CACNB2: variants seen among roughly 807,000 people sequenced by gnomAD.
CACNB2 encodes calcium voltage-gated channel auxiliary subunit beta 2.
CACNB2 carries 42 observed loss-of-function variants against 73.3 expected under a neutral mutation model. The ratio of observed to expected loss-of-function variants is 0.57; its 90% confidence interval spans 0.45 to 0.74. The LOEUF (loss-of-function observed/expected upper bound fraction) is 0.74. Ranked by LOEUF, CACNB2 falls within the 30% of genes least tolerant of loss-of-function variation. CACNB2 has a pLI of 0.00. For synonymous variants in CACNB2, 348 were observed against 310.3 expected, an observed-to-expected ratio of 1.12 and a Z score of -1.28; for missense variants, 940 against 853.0, an observed-to-expected ratio of 1.10 and a Z score of -1.27.
intron 2 of CACNB2, among the ~76,000 whole-genome samples, chr10:18,353,881 G>A (rs2041812057): frequency 6.6e-6 from 1 of 152,196 alleles, no homozygotes; most frequent in East Asian, 1.9e-4. Context: ...GAAATAGTAT[G>A]AGCAAAGTTT....
Position 18,301,927 on chromosome 10 carries a change from A to G in CACNB2, c.214-99997A>G, listed in dbSNP as rs542976462. Among the ~76,000 whole-genome samples, 70 of 152,154 alleles carry G rather than the reference A, an allele frequency of 4.6e-4. No individual in the cohort carries two copies. The South Asian group carries it at 6.6e-3, about 14-fold the overall frequency. ...CCCCCAGGGTGCTGGGATTACAGGCATGAGCCACCGCGCCCAGCCGCCTGT... is the reference window on the plus strand; with the variant it reads ...CCCCCAGGGTGCTGGGATTACAGGCGTGAGCCACCGCGCCCAGCCGCCTGT... On this transcript the variant is annotated intron_variant, in intron 2 of 13. Transcript: ENST00000324631.
At chr10:18,262,150 A>C (rs1283236177) in intron 2 of CACNB2, among the ~76,000 whole-genome samples, 3 of 152,230 alleles carry the variant, frequency 2.0e-5, no homozygotes, top group African/African-American at 7.2e-5. Context: ...TGCAAAACAA[A>C]TAGAAAATTG....
At chr10:18,515,190 G>A (rs1223647829) in intron 7 of CACNB2, 5 of 708,082 alleles carry the variant, frequency 7.1e-6, no homozygotes, top group East Asian at 2.7e-5. Flanking sequence ...GCTACACAGC[G>A]AGGCTCCTTG....
intron 2 of CACNB2, among the ~76,000 whole-genome samples, chr10:18,372,951 A>C (rs1357821955): frequency 2.6e-5 from 4 of 152,124 alleles, no homozygotes; most frequent in Non-Finnish European, 5.9e-5. Context: ...CTGAGACTAC[A>C]AGTGTGAGTC....
At chr10:18,461,635 C>A (rs780433217) in intron 3 of CACNB2, among the ~76,000 whole-genome samples, 8 of 152,000 alleles carry the variant, frequency 5.3e-5, no homozygotes, top group Admixed American at 3.3e-4. Context: ...AGAGTCTCAA[C>A]CTAGATCCCT....
At chr10:18,346,933 C>T (rs1427536052) in intron 2 of CACNB2, among the ~76,000 whole-genome samples, 2 of 152,072 alleles carry the variant, frequency 1.3e-5, no homozygotes, top group Non-Finnish European at 2.9e-5. Flanking sequence ...AAGAGAAAAA[C>T]CTGACCCGTG....
intron 2 of CACNB2, among the ~76,000 whole-genome samples, chr10:18,301,060 G>C (rs1025757818): frequency 6.6e-6 from 1 of 152,158 alleles, no homozygotes; most frequent in African/African-American, 2.4e-5. Context: ...AGACTCTCAA[G>C]GTAGAGAGAA....
chr10:18,182,998 CTTTT>C (rs113393018), intron 2 of CACNB2, among the ~76,000 whole-genome samples: 1 of 146,808 alleles, frequency 6.8e-6, no homozygotes, highest in Non-Finnish European at 1.5e-5. Context: ...ATTGTAACAT[CTTTT>C]TTTTTTTAAT....
chr10:18,311,822 G>C (rs2039976370), intron 2 of CACNB2, among the ~76,000 whole-genome samples: 1 of 152,256 alleles, frequency 6.6e-6, no homozygotes, highest in South Asian at 2.1e-4. Context: ...ATGGCACTTA[G>C]ACTTCCCTAT....
chr10:18,356,073 C>T (rs1212044368), intron 2 of CACNB2, among the ~76,000 whole-genome samples: 1 of 152,204 alleles, frequency 6.6e-6, no homozygotes, highest in African/African-American at 2.4e-5. Flanking sequence ...CTGCAGGCCC[C>T]TGGAGGTCCC....
At chr10:18,527,491 A>G (rs2052594055) in intron 9 of CACNB2, 97 bp from the exon 10 acceptor site, 1 of 789,622 alleles carries the variant, frequency 1.3e-6, no homozygotes, top group Non-Finnish European at 2.3e-6. Context: ...TGGTTGCTAT[A>G]TATATTTCAT....
At chr10:18,458,574 A>AT (rs1028772103) in intron 3 of CACNB2, among the ~76,000 whole-genome samples, 1 of 152,134 alleles carries the variant, frequency 6.6e-6, no homozygotes, top group Non-Finnish European at 1.5e-5. Context: ...TTAACATGGA[A>AT]TTAATAAACA....
intron 3 of CACNB2, among the ~76,000 whole-genome samples, chr10:18,483,596 A>G (rs1231179234): frequency 6.6e-6 from 1 of 152,144 alleles, no homozygotes; most frequent in African/African-American, 2.4e-5. Context: ...TGATGAAATA[A>G]AATCGCTGAA....
At chr10:18,426,877 T>C (rs1397140078) in intron 3 of CACNB2, among the ~76,000 whole-genome samples, 1 of 152,138 alleles carries the variant, frequency 6.6e-6, no homozygotes, top group Non-Finnish European at 1.5e-5. Flanking sequence ...AAGGAAGTTT[T>C]CTTCTATTTC....
In CACNB2 at chr10:18,539,814, G is replaced by GCAAT. The variant is rs1258300824; in HGVS notation, c.*93_*96dup. ...AAACAAAGTCTTTGGGGTCTACACT[G>GCAAT]CAATCATATGTGATCTGTCTTGTAA... On this transcript the variant is annotated 3_prime_UTR_variant, in exon 14 of 14. Transcript: ENST00000324631. 1.6e-5 allele frequency: 20 copies of GCAAT among 1,250,086 alleles called. No homozygotes were observed. Among genetic ancestry groups the GCAAT allele is most frequent in the African/African-American group, 3.1e-5 (2 of 64,784 alleles). The allele number at this position is 1,250,086 out of a possible 1,614,324, so 77.4% of individuals were successfully genotyped here.
At chr10:18,254,019 A>G (rs2037185628) in intron 2 of CACNB2, among the ~76,000 whole-genome samples, 1 of 152,240 alleles carries the variant, frequency 6.6e-6, no homozygotes, top group African/African-American at 2.4e-5. Flanking sequence ...AGAGAGAGTC[A>G]GGAACTCTGT....
intron 3 of CACNB2, among the ~76,000 whole-genome samples, chr10:18,483,231 A>C (rs2048880039): frequency 1.3e-5 from 2 of 149,356 alleles, no homozygotes; most frequent in African/African-American, 4.9e-5. Flanking sequence ...TTTTCGTTTA[A>C]AAAAAAAAAA....
chr10:18,397,422 G>A (rs1445815080), intron 2 of CACNB2, among the ~76,000 whole-genome samples: 1 of 152,030 alleles, frequency 6.6e-6, no homozygotes, highest in Non-Finnish European at 1.5e-5. Context: ...GCAAGATTGA[G>A]CCACTGCACT....
At chr10:18,293,150 CT>C (rs1220882559) in intron 2 of CACNB2, among the ~76,000 whole-genome samples, 5 of 152,066 alleles carry the variant, frequency 3.3e-5, no homozygotes, top group African/African-American at 9.7e-5. Flanking sequence ...AGAGGTGTAC[CT>C]TAGTTTGAAA....
Sources: gnomAD v4.1 joint callset for allele counts (sites outside exome capture counted in the v4.1 genomes callset) on GRCh38, gnomAD v4.1.1 for gene constraint, MANE v1.5 for transcripts, NCBI Gene and HGNC (gene_info 2026-07-23, HGNC 2026-07-21) for gene names.